The following EXTL3 variants were observed in gnomAD, a reference collection of about 807,000 sequenced individuals.
EXTL3 encodes the protein exostosin like glycosyltransferase 3.
A neutral mutation model predicts 69.3 loss-of-function variants in EXTL3; 27 were observed. The observed-to-expected ratio is 0.39, with a 90% CI of 0.29 to 0.54. EXTL3 has a LOEUF of 0.54. Among genes scored for constraint, EXTL3 ranks in the 20% least tolerant of loss-of-function variants. The pLI is 0.69. For synonymous variants in EXTL3, 511 were observed against 499.4 expected (o/e 1.02, Z -0.31); for missense variants, 1,003 against 1,231.8 (o/e 0.81, Z 2.78).
chr8:28,641,890 C>T lies in EXTL3; in HGVS notation c.-53+19080C>T, dbSNP rs540032042. 2.0e-4 allele frequency among the ~76,000 whole-genome samples: 31 copies of T among 152,268 alleles called. No homozygotes were observed. The East Asian group carries it at 5.8e-3, about 29-fold the overall frequency. On this transcript the variant is annotated intron_variant, in intron 1 of 6. Coordinates refer to the EXTL3 transcript ENST00000523149. ...TCGCTCTGTCACCCAGGCTGGAGTGCAGTGGAGCGATCTTGGCTCACTGCA... is the reference window on the plus strand; with the variant it reads ...TCGCTCTGTCACCCAGGCTGGAGTGTAGTGGAGCGATCTTGGCTCACTGCA...
In EXTL3 at chr8:28,685,720, AC is replaced by A. The variant is rs145070221; in HGVS notation, c.-52-27734del. Among the ~76,000 whole-genome samples the A allele has an allele frequency of 2.6e-3, 403 of 152,118 alleles. 2 individuals carry two copies. Among genetic ancestry groups the A allele is most frequent in the Non-Finnish European group, 4.6e-3 (314 of 67,980 alleles). ...AGTTTTTTGTACATTTGAAATTTTT[AC>A]CCAGATTCACCAGTTTTTGATGTTT... On this transcript the variant is annotated intron_variant, in intron 1 of 6. Transcript: ENST00000523149.
At chr8:28,627,990 AG>A (rs1449853628) in intron 1 of EXTL3, among the ~76,000 whole-genome samples, 1 of 152,170 alleles carries the variant, frequency 6.6e-6, no homozygotes, top group Non-Finnish European at 1.5e-5. Flanking sequence ...AAGATGAAAA[AG>A]TTCTAGAGAA....
intron 1 of EXTL3, among the ~76,000 whole-genome samples, chr8:28,635,832 G>T (rs980116112): frequency 3.3e-5 from 5 of 152,052 alleles, no homozygotes; most frequent in Non-Finnish European, 7.4e-5. Context: ...TTCAGGAGGG[G>T]CTGAGACAAT....
chr8:28,650,514 T>G (rs566045066), intron 1 of EXTL3, among the ~76,000 whole-genome samples: 20 of 151,992 alleles, frequency 1.3e-4, no homozygotes, highest in African/African-American at 4.6e-4. Context: ...CGCGCCACCA[T>G]ACCTGGCTAA....
chr8:28,716,426 A>G lies in EXTL3; in HGVS notation c.367A>G (p.Asn123Asp), dbSNP rs1354557014. Residue 123 changes from asparagine (N) to aspartate (D), a missense_variant, in exon 3 of 7, where the codon AAC (asparagine) becomes GAC (aspartate). By Grantham distance (23) the Asn-to-Asp change is conservative (BLOSUM62 1). Coordinates refer to ENST00000220562, the MANE Select transcript of EXTL3 (RefSeq NM_001440.4). The surrounding 1 kb of genome is among the most constrained non-coding windows in gnomAD (Gnocchi z 7.1). ...CGAAGCCTGTAAGAAGAGCATTGAG[A>G]ACGCCAAGCAGGACCTGCTCCAGCT... ...KIEACKKSIE[N>D]AKQDLLQLKN... 1 of 1,613,700 alleles carries G rather than the reference A, an allele frequency of 6.2e-7. No individual in the cohort carries two copies. Among genetic ancestry groups the G allele is most frequent in the Non-Finnish European group, 8.5e-7 (1 of 1,179,966 alleles).
chr8:28,710,099 C>A (rs1424434819), intron 1 of EXTL3, among the ~76,000 whole-genome samples: 3 of 151,788 alleles, frequency 2.0e-5, no homozygotes, highest in Non-Finnish European at 1.5e-5. Context: ...TCTCTGTATA[C>A]AACTATTTTA....
chr8:28,620,638 GA>G (rs1806398518), upstream of EXTL3, among the ~76,000 whole-genome samples: 1 of 152,230 alleles, frequency 6.6e-6, no homozygotes, highest in Admixed American at 6.5e-5. Flanking sequence ...GGAAAGGCCA[GA>G]AAGGTGTTAA....
chr8:28,677,348 A>G (rs1807404248), intron 1 of EXTL3, among the ~76,000 whole-genome samples: 1 of 151,538 alleles, frequency 6.6e-6, no homozygotes, highest in Non-Finnish European at 1.5e-5. Flanking sequence ...TACCTTTCTG[A>G]CTCCCCCACT....
rs71549693 is a variant in EXTL3 at position 28,708,426 on chromosome 8, C to CTTT, written c.-569-5013_-569-5011dup. 4.7e-4 allele frequency among the ~76,000 whole-genome samples: 56 copies of CTTT among 118,740 alleles called. 1 individual carries two copies. Among genetic ancestry groups the CTTT allele is most frequent in the Admixed American group, 1.0e-3 (12 of 11,702 alleles). The allele number at this position is 118,740 out of a possible 152,430, so 77.9% of individuals were successfully genotyped here. A position where few individuals can be genotyped will look rare whatever the true frequency, so the allele number is the denominator to read the frequency against. On this transcript the variant is annotated intron_variant, in intron 1 of 6. Transcript: ENST00000220562. ...TACAATTAGTTTCCCTGGGAAGTGC[C>CTTT]TTTTTTTTTTTTTTTTTTTTAAACA...
intron 1 of EXTL3, among the ~76,000 whole-genome samples, chr8:28,626,172 A>T (rs79867342): frequency 0.027 from 3 of 110 alleles, no homozygotes; most frequent in Non-Finnish European, 0.052. Flanking sequence ...ACCCTGTCTA[A>T]AAAAAAAAAA....
At chr8:28,671,956 A>G (rs76276579) in intron 1 of EXTL3, among the ~76,000 whole-genome samples, 258 of 152,346 alleles carry the variant, frequency 1.7e-3, no homozygotes, top group Middle Eastern at 6.8e-3. Context: ...GCTGGGTAAC[A>G]TAATGAGAAC....
At chr8:28,731,496 T>A in intron 4 of EXTL3, 146 bp downstream of exon 4, 1 of 813,430 alleles carries the variant, frequency 1.2e-6, no homozygotes, top group Non-Finnish European at 2.1e-6. Context: ...GGATGCAGGC[T>A]CGTAGATGGC....
intron 4 of EXTL3, among the ~76,000 whole-genome samples, chr8:28,735,109 G>A (rs956610485): frequency 5.5e-5 from 7 of 128,248 alleles, no homozygotes; most frequent in African/African-American, 2.5e-4. Flanking sequence ...TTTTTTACAC[G>A]ATAATAGTAG....
intron 1 of EXTL3, among the ~76,000 whole-genome samples, chr8:28,689,002 A>G (rs1362122136): frequency 1.3e-5 from 2 of 152,222 alleles, no homozygotes; most frequent in East Asian, 1.9e-4. Flanking sequence ...GGGAAACTCA[A>G]TCCAAGATTT....
chr8:28,727,909 CTA>C (rs1233745745), intron 3 of EXTL3, among the ~76,000 whole-genome samples: 1 of 152,186 alleles, frequency 6.6e-6, no homozygotes, highest in Non-Finnish European at 1.5e-5. Flanking sequence ...AAGCTCCTTG[CTA>C]TATTCCTGGT....
intron 6 of EXTL3, among the ~76,000 whole-genome samples, chr8:28,748,783 C>G (rs1256820270): frequency 2.0e-5 from 3 of 152,076 alleles, no homozygotes; most frequent in Non-Finnish European, 4.4e-5. Context: ...TCTTTTGAGC[C>G]TCCATGGGCT....
upstream of EXTL3, among the ~76,000 whole-genome samples, chr8:28,619,301 A>C (rs1248863875): frequency 1.8e-4 from 16 of 90,426 alleles, no homozygotes; most frequent in Non-Finnish European, 3.2e-4. Context: ...AAAAAAAAAA[A>C]AAAAAAAAAA....
Position 28,623,573 on chromosome 8 carries a change from G to C in EXTL3, c.-53+763G>C, listed in dbSNP as rs967362114. ...TTGGTAAGCATGTCCTGTCCTGAAG[G>C]CTCCATGCTGAAAGTCTAGACCCCA... is the stretch of plus-strand genomic sequence containing the variant. On this transcript the variant is annotated intron_variant, in intron 1 of 6. Transcript: ENST00000523149. This position sits in a 1 kb window ranked among gnomAD's most constrained non-coding sequence, Gnocchi z 4.2. Among the ~76,000 whole-genome samples the C allele has an allele frequency of 2.6e-5, 4 of 152,142 alleles. No individual in the cohort carries two copies. Among genetic ancestry groups the C allele is most frequent in the African/African-American group, 9.7e-5 (4 of 41,442 alleles).
At chr8:28,742,771 G>A (rs1311682188) in intron 5 of EXTL3, 9 of 316,748 alleles carry the variant, frequency 2.8e-5, no homozygotes, top group African/African-American at 2.0e-4. Context: ...ATAAAATAGT[G>A]TTCAATTGAA....
Sources: allele counts gnomAD v4.1 joint callset (sites outside exome capture counted in the v4.1 genomes callset), GRCh38; gene constraint gnomAD v4.1.1; non-coding constraint Gnocchi (gnomAD v3.1); transcripts MANE v1.5; gene names NCBI Gene and HGNC (gene_info 2026-07-23, HGNC 2026-07-21).